The following SPOCK1 variants were observed in gnomAD, a reference collection of about 807,000 sequenced individuals.
SPOCK1 encodes testican-1.
In SPOCK1, 23 loss-of-function variants were observed where a neutral mutation model predicts 55.3. The observed-to-expected ratio is 0.42, with a 90% CI of 0.30 to 0.59. The LOEUF is 0.59. Ranked by LOEUF, SPOCK1 falls within the 20% of genes least tolerant of loss-of-function variation. The probability of loss-of-function intolerance (pLI) is 0.22; values close to 1 mark genes in which losing one functional copy is unlikely to be tolerated. For missense variants in SPOCK1, 499 were observed against 552.5 expected, an observed-to-expected ratio of 0.90 and a Z score of 0.97; for synonymous variants, 226 against 221.0, an observed-to-expected ratio of 1.02 and a Z score of -0.20.
chr5:137,486,087 A>G (rs1754049442), intron 2 of SPOCK1, among the ~76,000 whole-genome samples: 1 of 152,196 alleles, frequency 6.6e-6, no homozygotes, highest in Non-Finnish European at 1.5e-5. Context: ...GCCCTCGACC[A>G]ACAGCCCTGA....
At chr5:137,196,330 CT>C (rs1329142821) in intron 3 of SPOCK1, among the ~76,000 whole-genome samples, 4 of 152,188 alleles carry the variant, frequency 2.6e-5, no homozygotes, top group African/African-American at 9.6e-5. Context: ...AATCTGTCGC[CT>C]AGCCCTCTGC....
chr5:137,267,038 G>T lies in SPOCK1; in HGVS notation c.204C>A (p.Asn68Lys). ...GGTCAAAGGGCTTGTTGGGATTCCA[G>T]TTTCTGAAATAATCATCCTATATAA... ...NRFRDDDYFR[N>K]WNPNKPFDQA... The change falls in exon 3 of 11, where the codon AAC becomes AAA. Residue 68 changes from asparagine (N) to lysine (K), a missense_variant. Transcript: ENST00000394945. 1 of 1,612,874 alleles carries T rather than the reference G, an allele frequency of 6.2e-7. No homozygotes were observed. The highest frequency in any genetic ancestry group is 8.5e-7 in the Non-Finnish European group (1 of 1,179,002).
At chr5:137,240,251 T>G (rs568854173) in intron 3 of SPOCK1, among the ~76,000 whole-genome samples, 1 of 152,258 alleles carries the variant, frequency 6.6e-6, no homozygotes, top group South Asian at 2.1e-4. Context: ...CTGTGGTAAT[T>G]TATAAGAAAA....
intron 4 of SPOCK1, among the ~76,000 whole-genome samples, chr5:137,119,889 T>C (rs1580760736): frequency 6.6e-6 from 1 of 152,220 alleles, no homozygotes; most frequent in African/African-American, 2.4e-5. Context: ...ATACCAGGCA[T>C]TGTTTCAAGC....
intron 2 of SPOCK1, among the ~76,000 whole-genome samples, chr5:137,386,670 C>T (rs1751604893): frequency 6.6e-6 from 1 of 152,128 alleles, no homozygotes; most frequent in Non-Finnish European, 1.5e-5. Context: ...AAATGGATCA[C>T]AGACCTATGT....
intron 2 of SPOCK1, among the ~76,000 whole-genome samples, chr5:137,395,279 A>G (rs1751818630): frequency 6.6e-6 from 1 of 152,256 alleles, no homozygotes; most frequent in African/African-American, 2.4e-5. Flanking sequence ...TCAGGAATTC[A>G]TACAAATGTC....
intron 2 of SPOCK1, among the ~76,000 whole-genome samples, chr5:137,293,237 A>G (rs1485328114): frequency 2.0e-5 from 3 of 152,008 alleles, no homozygotes; most frequent in African/African-American, 2.4e-5. Context: ...AGACTTTGGC[A>G]GCTTTTATTA....
At chr5:137,025,822 C>T (rs772050191) in intron 6 of SPOCK1, among the ~76,000 whole-genome samples, 18 of 152,088 alleles carry the variant, frequency 1.2e-4, no homozygotes, top group Non-Finnish European at 1.8e-4. Flanking sequence ...GCAATAAAAC[C>T]GAGGTTAAAA....
chr5:136,980,564 A>C (rs1275004794), intron 9 of SPOCK1, among the ~76,000 whole-genome samples: 1 of 152,132 alleles, frequency 6.6e-6, no homozygotes, highest in Non-Finnish European at 1.5e-5. Flanking sequence ...AATAAGTCTC[A>C]CAAGATCTGA....
chr5:137,341,115 G>A lies in SPOCK1; in HGVS notation c.187-74060C>T, dbSNP rs531209331. Among the ~76,000 whole-genome samples the A allele has an allele frequency of 1.5e-4, 23 of 152,214 alleles. 1 individual carries two copies. The South Asian group carries it at 3.3e-3, about 22-fold the overall frequency. On this transcript the variant is annotated intron_variant, in intron 2 of 10. Coordinates refer to ENST00000394945, the MANE Select transcript of SPOCK1 (RefSeq NM_004598.4). ...CTTCACTGTCTCTATTCATGTACTC[G>A]CTGCACCATCCAGGCCACAGTCTCC...
chr5:137,131,971 C>CAAA (rs1156253291), intron 4 of SPOCK1, among the ~76,000 whole-genome samples: 27 of 12,726 alleles, frequency 2.1e-3, no homozygotes, highest in African/African-American at 9.0e-3. Flanking sequence ...GACTCCGTCT[C>CAAA]AAAAAAAAAA....
intron 3 of SPOCK1, among the ~76,000 whole-genome samples, chr5:137,203,241 GC>G: frequency 6.6e-6 from 1 of 151,832 alleles, no homozygotes; most frequent in African/African-American, 2.4e-5. Flanking sequence ...TCTGTGCTTG[GC>G]CATTGGCAGT....
At chr5:137,451,458 T>C (rs1285068275) in intron 2 of SPOCK1, among the ~76,000 whole-genome samples, 1 of 152,226 alleles carries the variant, frequency 6.6e-6, no homozygotes, top group Non-Finnish European at 1.5e-5. Context: ...TTTTCTTCTT[T>C]TTTTAGTGAC....
chr5:137,472,272 A>G (rs1286210639), intron 2 of SPOCK1, among the ~76,000 whole-genome samples: 1 of 152,112 alleles, frequency 6.6e-6, no homozygotes, highest in Admixed American at 6.5e-5. Context: ...AGCAATCCCC[A>G]TCACACTATC....
At chr5:137,263,281 A>C (rs1322659472) in intron 3 of SPOCK1, among the ~76,000 whole-genome samples, 1 of 152,228 alleles carries the variant, frequency 6.6e-6, no homozygotes, top group Admixed American at 6.5e-5. Context: ...GAGCATGTGA[A>C]TCTTCAAGAG....
At chr5:137,160,599 T>A (rs1467168626) in intron 3 of SPOCK1, among the ~76,000 whole-genome samples, 8,978 of 70,448 alleles carry the variant, frequency 0.13, 816 homozygotes, top group East Asian at 0.23. Context: ...ATATAATATA[T>A]TATATATAAT....
intron 2 of SPOCK1, among the ~76,000 whole-genome samples, chr5:137,296,935 G>A (rs1287311249): frequency 1.3e-5 from 2 of 152,198 alleles, no homozygotes; most frequent in African/African-American, 4.8e-5. Flanking sequence ...GAACTGCAAT[G>A]TACTTTGCTT....
At chr5:137,007,186 C>A (rs1193763608) in intron 6 of SPOCK1, among the ~76,000 whole-genome samples, 1 of 152,050 alleles carries the variant, frequency 6.6e-6, no homozygotes, top group Non-Finnish European at 1.5e-5. Flanking sequence ...ACCATAAAAA[C>A]CCTAGAATAA....
intron 3 of SPOCK1, among the ~76,000 whole-genome samples, chr5:137,251,184 T>G (rs1756518764): frequency 1.3e-5 from 2 of 152,218 alleles, no homozygotes; most frequent in African/African-American, 4.8e-5. Flanking sequence ...GGCCACGCAC[T>G]GCAAACCAAT....
Sources: gnomAD v4.1 joint callset for allele counts (sites outside exome capture counted in the v4.1 genomes callset) on GRCh38, gnomAD v4.1.1 for gene constraint, MANE v1.5 for transcripts, NCBI Gene and HGNC (gene_info 2026-07-23, HGNC 2026-07-21) for gene names.